MARVELD2: variants seen among roughly 807,000 people sequenced by gnomAD.
MARVELD2 encodes the protein MARVEL domain containing 2.
A neutral mutation model predicts 57.6 loss-of-function variants in MARVELD2; 49 were observed. The observed-to-expected ratio is 0.85, with a 90% CI of 0.68 to 1.08. The LOEUF (loss-of-function observed/expected upper bound fraction) is 1.08. Ranked by LOEUF, MARVELD2 falls within the 50% of genes least tolerant of loss-of-function variation. The probability of loss-of-function intolerance (pLI) is 0.00; values close to 1 mark genes in which losing one functional copy is unlikely to be tolerated. For missense variants in MARVELD2, 606 were observed against 701.1 expected, an observed-to-expected ratio of 0.86 and a Z score of 1.53; for synonymous variants, 238 against 258.8, an observed-to-expected ratio of 0.92 and a Z score of 0.77.
At chr5:69,430,491 C>G (rs1231818126) in intron 3 of MARVELD2, among the ~76,000 whole-genome samples, 1 of 152,070 alleles carries the variant, frequency 6.6e-6, no homozygotes, top group Non-Finnish European at 1.5e-5. Flanking sequence ...GCTAGGATTA[C>G]AGGAATGAGC....
intron 3 of MARVELD2, among the ~76,000 whole-genome samples, chr5:69,426,568 C>T (rs933686867): frequency 2.6e-5 from 4 of 151,896 alleles, no homozygotes; most frequent in Admixed American, 6.6e-5. Flanking sequence ...CCCCTGACCT[C>T]GTGATCCACC....
chr5:69,424,807 T>A (rs941860046), intron 3 of MARVELD2, among the ~76,000 whole-genome samples, 171 bp downstream of exon 3: 1 of 152,074 alleles, frequency 6.6e-6, no homozygotes, highest in African/African-American at 2.4e-5. Flanking sequence ...GGCGGAGCAC[T>A]TGAGACCAGA....
chr5:69,433,173 T>TTTTTTTTTTG, intron 5 of MARVELD2, 80 bp downstream of exon 5: 1 of 1,422,134 alleles, frequency 7.0e-7, no homozygotes. Flanking sequence ...TTTTTTTTTT[T>TTTTTTTTTTG]TTTTCTGTGA....
chr5:69,439,807 A>G (rs910282980), intron 5 of MARVELD2, among the ~76,000 whole-genome samples: 1 of 151,974 alleles, frequency 6.6e-6, no homozygotes, highest in Non-Finnish European at 1.5e-5. Context: ...TTAGGTTTGC[A>G]TTGTCTGACA....
rs1301857773 is a variant in MARVELD2, at chr5:69,442,142, A to C, written c.*488A>C. 6.5e-6 allele frequency: 1 copy of C among 153,716 alleles called. No individual in the cohort carries two copies. Among genetic ancestry groups the C allele is most frequent in the Admixed American group, 6.5e-5 (1 of 15,448 alleles). The allele number at this position is 153,716 out of a possible 1,614,324, so 9.5% of individuals were successfully genotyped here. On this transcript the variant is annotated 3_prime_UTR_variant, in exon 7 of 7. Coordinates refer to ENST00000325631, the MANE Select transcript of MARVELD2 (RefSeq NM_001038603.3). ...TTCATCTGTGACCAATTTCATATTC[A>C]TCTATCTCATTTAAATGTGTCATCA...
At chr5:69,420,975 G>A (rs1766611229) in intron 2 of MARVELD2, among the ~76,000 whole-genome samples, 1 of 152,070 alleles carries the variant, frequency 6.6e-6, no homozygotes, top group Non-Finnish European at 1.5e-5. Flanking sequence ...CTCCCAGTGA[G>A]TTGAATAAAG....
chr5:69,433,368 T>C (rs1270286994), intron 5 of MARVELD2, among the ~76,000 whole-genome samples: 1 of 151,964 alleles, frequency 6.6e-6, no homozygotes, highest in African/African-American at 2.4e-5. Flanking sequence ...TTTTGCCATG[T>C]TGGCCAAGAG....
chr5:69,422,209 A>G (rs1309725882), intron 2 of MARVELD2, among the ~76,000 whole-genome samples: 1 of 151,096 alleles, frequency 6.6e-6, no homozygotes, highest in Non-Finnish European at 1.5e-5. Flanking sequence ...GGCACCTTGA[A>G]AAAAGAACAG....
At chr5:69,432,476 T>C in intron 3 of MARVELD2, 51 bp from the exon 4 acceptor site, 1 of 1,595,332 alleles carries the variant, frequency 6.3e-7, no homozygotes, top group Non-Finnish European at 8.6e-7. Context: ...TTCAGAGGGT[T>C]TTTTTCTACT....
chr5:69,419,193 T>G (rs1231620935), intron 1 of MARVELD2, 178 bp from the exon 2 acceptor site: 27 of 693,024 alleles, frequency 3.9e-5, no homozygotes, highest in Non-Finnish European at 6.1e-5. Flanking sequence ...CCCAAAGTGC[T>G]GGGATTACAG....
intron 3 of MARVELD2, among the ~76,000 whole-genome samples, chr5:69,427,796 T>C (rs1161734793): frequency 6.6e-6 from 1 of 152,174 alleles, no homozygotes; most frequent in Admixed American, 6.6e-5. Context: ...TAATTCTTTG[T>C]CTCATATGTG....
Position 69,429,423 on chromosome 5 carries a change from A to AG in MARVELD2, c.1183-3100dup, listed in dbSNP as rs1188308758. ...TTTGGTTTTTTATTTGCAGTGAAGT[A>AG]GGGGCCCTCCCAAGCCACTCTCAGT... On this transcript the variant is annotated intron_variant, in intron 3 of 6. Transcript: ENST00000325631. Among the ~76,000 whole-genome samples the AG allele has an allele frequency of 3.3e-5, 5 of 152,248 alleles. No homozygotes were observed. The South Asian group carries it at 8.3e-4, about 25-fold the overall frequency.
chr5:69,417,432 T>C (rs1375272978), intron 1 of MARVELD2, among the ~76,000 whole-genome samples: 3 of 151,276 alleles, frequency 2.0e-5, no homozygotes, highest in African/African-American at 7.2e-5. Flanking sequence ...GCAAGGCAGG[T>C]TAAATGAAGG....
chr5:69,438,651 C>T (rs897614722), intron 5 of MARVELD2, among the ~76,000 whole-genome samples: 1 of 152,002 alleles, frequency 6.6e-6, no homozygotes, highest in African/African-American at 2.4e-5. Flanking sequence ...CTTTGGGAGG[C>T]CGAGGTGGGT....
chr5:69,426,436 G>A (rs1406747648), intron 3 of MARVELD2, among the ~76,000 whole-genome samples: 2 of 151,330 alleles, frequency 1.3e-5, no homozygotes, highest in African/African-American at 4.9e-5. Flanking sequence ...CCAGGTTCAA[G>A]CAATTCTCCT....
chr5:69,432,490 G>A lies in MARVELD2; in HGVS notation c.1183-37G>A, dbSNP rs546116406. Reference sequence around the variant, plus strand: ...ATTCAGAGGGTTTTTTTCTACTTATGTTTATTAACAAATCCTCTTTTTCTC... The same window carrying A: ...ATTCAGAGGGTTTTTTTCTACTTATATTTATTAACAAATCCTCTTTTTCTC... On this transcript the variant is annotated intron_variant, in intron 3 of 6. Coordinates refer to ENST00000325631, the MANE Select transcript of MARVELD2 (RefSeq NM_001038603.3). The A allele has an allele frequency of 3.1e-6, 5 of 1,609,432 alleles. No homozygotes were observed. In the African/African-American group the frequency reaches 4.0e-5, roughly 13 times the overall value.
Position 69,424,652 on chromosome 5 carries a change from A to T in MARVELD2, c.1182+16A>T. 1 of 1,567,356 alleles carries T rather than the reference A, an allele frequency of 6.4e-7. No homozygotes were observed. Among genetic ancestry groups the T allele is most frequent in the Non-Finnish European group, 8.8e-7 (1 of 1,136,856 alleles). On this transcript the variant is annotated intron_variant, in intron 3 of 6. Transcript: ENST00000325631. The stretch of plus-strand genomic sequence containing the variant: ...AAGGAAAATGGTAAGAATAAAGTTT[A>T]CTTCATATTATGCTTTAGATTTGTT...
chr5:69,435,873 T>C (rs1182175746), intron 5 of MARVELD2, among the ~76,000 whole-genome samples: 3 of 152,136 alleles, frequency 2.0e-5, no homozygotes, highest in African/African-American at 7.2e-5. Flanking sequence ...TGGATTTGCC[T>C]AGTTTGAACA....
rs11345515 is a variant in MARVELD2, at chr5:69,433,153, CTTTT to C, written c.1503+81_1503+84del. 2.7e-3 allele frequency: 1,306 copies of C among 476,686 alleles called. 4 individuals carry two copies. Among genetic ancestry groups the C allele is most frequent in the African/African-American group, 0.016 (618 of 38,308 alleles). The allele number at this position is 476,686 out of a possible 1,614,324, so 29.5% of individuals were successfully genotyped here. A position where few individuals can be genotyped will look rare whatever the true frequency, so the allele number is the denominator to read the frequency against. The stretch of plus-strand genomic sequence containing the variant: ...AATCTAGAGGATGAATAAAATCTGG[CTTTT>C]TTTTTTTTTTTTTTTTTTTTCTGTG... On this transcript the variant is annotated intron_variant, in intron 5 of 6. Transcript: ENST00000325631.
Sources: allele counts gnomAD v4.1 joint callset (sites outside exome capture counted in the v4.1 genomes callset), GRCh38; gene constraint gnomAD v4.1.1; transcripts MANE v1.5; gene names NCBI Gene and HGNC (gene_info 2026-07-23, HGNC 2026-07-21).